Variants in CAST observed in about 807,000 individuals in gnomAD.
CAST encodes calpastatin.
In CAST, 76 loss-of-function variants were observed where a neutral mutation model predicts 119.6. That is an observed-to-expected ratio of 0.64 (90% confidence interval 0.53 to 0.77). The LOEUF (loss-of-function observed/expected upper bound fraction) is 0.77, where lower values mean the gene tolerates loss of function less well. Ranked by LOEUF, CAST falls within the 30% of genes least tolerant of loss-of-function variation. The pLI is 0.00. For synonymous variants in CAST, 319 were observed against 331.6 expected, an observed-to-expected ratio of 0.96 and a Z score of 0.41; for missense variants, 953 against 946.5, an observed-to-expected ratio of 1.01 and a Z score of -0.09.
the CAST span, among the ~76,000 whole-genome samples, chr5:96,456,404 G>T: frequency 6.6e-6 from 1 of 152,054 alleles, no homozygotes; most frequent in Admixed American, 6.5e-5. Context: ...TTTCCTAGAG[G>T]CAAAATCTCT....
chr5:96,638,306 T>C lies in CAST; in HGVS notation c.61-37233T>C, dbSNP rs562577203. 4.9e-4 allele frequency among the ~76,000 whole-genome samples: 75 copies of C among 151,986 alleles called. 2 individuals are homozygous for C. The South Asian group carries it at 0.014, about 29-fold the overall frequency. On this transcript the variant is annotated intron_variant, in intron 1 of 11. Transcript: ENST00000505143. ...CTGTAATCCCAGCTACTAGGGAGGC[T>C]GAGGCAGGAGAATCTCATGAACCCA...
the CAST span, among the ~76,000 whole-genome samples, chr5:96,512,727 T>C: frequency 6.6e-6 from 1 of 152,198 alleles, no homozygotes; most frequent in Non-Finnish European, 1.5e-5. Flanking sequence ...CATGTTCCTT[T>C]CCAAAGCTGA....
At chr5:95,970,515 C>A in the CAST span, among the ~76,000 whole-genome samples, 2 of 152,128 alleles carry the variant, frequency 1.3e-5, no homozygotes, top group Non-Finnish European at 2.9e-5. Context: ...GCTGAGTGTG[C>A]ACTGAATATT....
chr5:96,425,008 AAAAGAAAGAAAG>A, the CAST span, among the ~76,000 whole-genome samples: 6,588 of 117,352 alleles, frequency 0.056, 207 homozygotes, highest in African/African-American at 0.08. Flanking sequence ...AGAAAGAAAG[AAAAGAAAGAAAG>A]AAAGAAAGAA....
chr5:96,336,472 C>T, the CAST span, among the ~76,000 whole-genome samples: 1 of 152,134 alleles, frequency 6.6e-6, no homozygotes, highest in African/African-American at 2.4e-5. Context: ...ATTTGTGTGC[C>T]CTGTTTGATT....
chr5:96,366,102 G>A, the CAST span, among the ~76,000 whole-genome samples: 1 of 152,250 alleles, frequency 6.6e-6, no homozygotes, highest in South Asian at 2.1e-4. Context: ...AGTTTGGCTG[G>A]ATATGAAATT....
chr5:96,347,309 C>T, the CAST span, among the ~76,000 whole-genome samples: 2 of 152,190 alleles, frequency 1.3e-5, no homozygotes, highest in Non-Finnish European at 2.9e-5. Context: ...TGTTTCTACT[C>T]CAGATCTCTT....
At chr5:96,338,981 A>G in the CAST span, among the ~76,000 whole-genome samples, 4 of 152,172 alleles carry the variant, frequency 2.6e-5, no homozygotes, top group East Asian at 3.8e-4. Context: ...ACTCTGCTCC[A>G]TTTCAGTAAC....
chr5:96,595,034 C>G (rs1057250978), intron 1 of CAST, among the ~76,000 whole-genome samples: 9 of 152,152 alleles, frequency 5.9e-5, no homozygotes, highest in Admixed American at 3.9e-4. Flanking sequence ...TCAATTGGCC[C>G]TGGATTTGAA....
the CAST span, among the ~76,000 whole-genome samples, chr5:96,259,898 T>A: frequency 4.4e-3 from 660 of 151,580 alleles, 3 homozygotes; most frequent in African/African-American, 0.011. Context: ...TTTTTTTTTT[T>A]AAATTATGTT....
chr5:96,158,162 G>T, the CAST span, among the ~76,000 whole-genome samples: 3 of 150,862 alleles, frequency 2.0e-5, no homozygotes, highest in African/African-American at 7.3e-5. Flanking sequence ...CACCTAGACA[G>T]CCACCCATAT....
rs756884785 is a variant in CAST at position 96,695,927 on chromosome 5, C to T, written c.210+20C>T. 3 of 1,565,692 alleles carry T rather than the reference C, an allele frequency of 1.9e-6. No individual in the cohort carries two copies. Among genetic ancestry groups the T allele is most frequent in the South Asian group, 1.1e-5 (1 of 89,046 alleles). On this transcript the variant is annotated intron_variant, in intron 3 of 31. Coordinates refer to ENST00000675179, the MANE Select transcript of CAST (RefSeq NM_001750.7). The stretch of plus-strand genomic sequence containing the variant: ...ACCAAGGTCAGTGATTTCCTGAACA[C>T]GAAAAGACCCCTACTGTATTCTACA...
chr5:96,066,164 G>A, the CAST span, among the ~76,000 whole-genome samples: 1 of 152,190 alleles, frequency 6.6e-6, no homozygotes. Flanking sequence ...AGTGTCACTT[G>A]CAAGCCAGTA....
chr5:96,625,811 T>A (rs1747708428), intron 1 of CAST, among the ~76,000 whole-genome samples: 1 of 152,210 alleles, frequency 6.6e-6, no homozygotes, highest in South Asian at 2.1e-4. Context: ...CTTGTCATAC[T>A]TTTCCTGTCT....
chr5:96,014,911 A>G, the CAST span, among the ~76,000 whole-genome samples: 3 of 152,176 alleles, frequency 2.0e-5, no homozygotes, highest in East Asian at 3.8e-4. Context: ...TCGACTTTCC[A>G]GGAGGACGTT....
chr5:96,137,345 C>T, the CAST span, among the ~76,000 whole-genome samples: 2 of 152,016 alleles, frequency 1.3e-5, no homozygotes, highest in African/African-American at 4.8e-5. Flanking sequence ...GTTTATAGCT[C>T]ATTTTTTTAT....
At chr5:96,035,490 G>C in the CAST span, among the ~76,000 whole-genome samples, 1 of 151,814 alleles carries the variant, frequency 6.6e-6, no homozygotes, top group Non-Finnish European at 1.5e-5. Flanking sequence ...TAATCTCCAA[G>C]GGATGGAGCT....
chr5:96,599,538 T>C (rs1383686067), intron 1 of CAST, among the ~76,000 whole-genome samples: 1 of 152,138 alleles, frequency 6.6e-6, no homozygotes, highest in Non-Finnish European at 1.5e-5. Context: ...AATACCTCTA[T>C]CCTTCAGTTG....
At chr5:96,706,729 C>T (rs1056841148) in intron 3 of CAST, among the ~76,000 whole-genome samples, 1 of 152,212 alleles carries the variant, frequency 6.6e-6, no homozygotes, top group Non-Finnish European at 1.5e-5. Context: ...GTGCTTTCCC[C>T]TGAGACACTC....
Sources: allele counts gnomAD v4.1 joint callset (sites outside exome capture counted in the v4.1 genomes callset), GRCh38; gene constraint gnomAD v4.1.1; transcripts MANE v1.5; gene names NCBI Gene and HGNC (gene_info 2026-07-23, HGNC 2026-07-21).